Variants in C1orf141 observed in about 807,000 individuals in gnomAD.
C1orf141 encodes chromosome 1 open reading frame 141, also known as uncharacterized protein C1orf141.
C1orf141 carries 19 observed loss-of-function variants against 23.2 expected under a neutral mutation model. The ratio of observed to expected loss-of-function variants is 0.82; its 90% CI spans 0.57 to 1.20. The LOEUF is 1.20. Among genes scored for constraint, C1orf141 ranks in the 50% most tolerant of loss-of-function variants. The pLI, the probability that C1orf141 is intolerant of heterozygous loss-of-function variation, is 0.00. For synonymous variants in C1orf141, 153 were observed against 154.6 expected (o/e 0.99, Z 0.08); for missense variants, 469 against 455.1 (o/e 1.03, Z -0.28).
Position 67,115,413 on chromosome 1 carries a change from CT to C in C1orf141, c.284del (p.Lys95SerfsTer4). 1 of 1,510,932 alleles carries C rather than the reference CT, an allele frequency of 6.6e-7. No homozygotes were observed. Among genetic ancestry groups the C allele is most frequent in the Non-Finnish European group, 9.1e-7 (1 of 1,100,158 alleles). 93.6% of individuals were successfully genotyped at this position (1,510,932 alleles called of 1,614,324 possible). ...EPEPRKSNFE[K>X]SNLRPFFIQT... ...GAATAAAGAATGGTCTTAAATTTGA[CT>C]TTTCAAAATTACTCTTTCTAGGTTC... On this transcript the variant is annotated frameshift_variant, in exon 5 of 8. Coordinates refer to ENST00000684719, the MANE Select transcript of C1orf141 (RefSeq NM_001276351.2). LOFTEE classifies it high-confidence loss of function.
At chr1:67,127,332 G>T in intron 2 of C1orf141, 75 bp from the exon 3 acceptor site, 1 of 804,782 alleles carries the variant, frequency 1.2e-6, no homozygotes, top group Non-Finnish European at 2.1e-6. Flanking sequence ...GTTTTCAAAA[G>T]ACTCACTTTT....
At chr1:67,109,096 G>T (rs1205849743) in intron 5 of C1orf141, among the ~76,000 whole-genome samples, 1 of 152,108 alleles carries the variant, frequency 6.6e-6, no homozygotes, top group African/African-American at 2.4e-5. Flanking sequence ...GTGAGGCCGA[G>T]GCAGGCGGAT....
intron 2 of C1orf141, among the ~76,000 whole-genome samples, chr1:67,130,750 T>G (rs903743481): frequency 6.6e-6 from 1 of 152,250 alleles, no homozygotes; most frequent in African/African-American, 2.4e-5. Flanking sequence ...AACAGTTTTA[T>G]GAATACTAAA....
At chr1:67,129,988 C>G (rs1212865440) in intron 2 of C1orf141, among the ~76,000 whole-genome samples, 1 of 152,112 alleles carries the variant, frequency 6.6e-6, no homozygotes, top group Non-Finnish European at 1.5e-5. Flanking sequence ...AGATTAGTCT[C>G]TATATTTTAT....
chr1:67,120,568 G>A (rs917978211), intron 4 of C1orf141, among the ~76,000 whole-genome samples: 2 of 152,032 alleles, frequency 1.3e-5, no homozygotes, highest in African/African-American at 4.8e-5. Flanking sequence ...AGGTAATTAG[G>A]TCATGAGGGT....
chr1:67,126,533 G>A (rs187377324), intron 3 of C1orf141, among the ~76,000 whole-genome samples: 1 of 152,314 alleles, frequency 6.6e-6, no homozygotes, highest in Admixed American at 6.5e-5. Context: ...TTCTGCTTCT[G>A]CCAATAGATG....
chr1:67,133,361 C>T (rs1199632302), intron 1 of C1orf141, among the ~76,000 whole-genome samples: 1 of 152,202 alleles, frequency 6.6e-6, no homozygotes, highest in Admixed American at 6.5e-5. Context: ...CCACTTCTTA[C>T]ACTCTTATCT....
At chr1:67,128,720 T>G (rs953360574) in intron 2 of C1orf141, among the ~76,000 whole-genome samples, 1 of 151,712 alleles carries the variant, frequency 6.6e-6, no homozygotes, top group Non-Finnish European at 1.5e-5. Context: ...AAAAAAAAAT[T>G]GTGTAGATGA....
intron 4 of C1orf141, among the ~76,000 whole-genome samples, chr1:67,117,689 G>T (rs1206587584): frequency 6.6e-6 from 1 of 152,124 alleles, no homozygotes; most frequent in Non-Finnish European, 1.5e-5. Flanking sequence ...TGAGTCAAGG[G>T]TTTCTAAGGA....
chr1:67,101,629 G>A (rs1422305006), intron 5 of C1orf141, among the ~76,000 whole-genome samples: 1 of 151,938 alleles, frequency 6.6e-6, no homozygotes, highest in Non-Finnish European at 1.5e-5. Context: ...ATTATAATAT[G>A]AGGCAGATTT....
chr1:67,128,605 G>T (rs920831424), intron 2 of C1orf141, among the ~76,000 whole-genome samples: 1 of 152,026 alleles, frequency 6.6e-6, no homozygotes, highest in African/African-American at 2.4e-5. Flanking sequence ...TTGGGAGGCT[G>T]AGGAGGGATC....
chr1:67,134,184 A>G (rs567144202), intron 1 of C1orf141, among the ~76,000 whole-genome samples: 4 of 152,224 alleles, frequency 2.6e-5, no homozygotes, highest in Non-Finnish European at 5.9e-5. Flanking sequence ...TTGTATTTTT[A>G]GTAGAGACGG....
chr1:67,113,811 G>T, intron 5 of C1orf141: 2 of 739,552 alleles, frequency 2.7e-6, no homozygotes, highest in Non-Finnish European at 4.1e-6. Context: ...CATTATGGAA[G>T]GCCAGGTGAT....
intron 4 of C1orf141, among the ~76,000 whole-genome samples, chr1:67,120,648 C>T (rs1646280149): frequency 6.6e-6 from 1 of 152,032 alleles, no homozygotes; most frequent in Non-Finnish European, 1.5e-5. Flanking sequence ...TTTCTCTCTG[C>T]CATGTGAAGA....
At chr1:67,134,981 C>G (rs748618116), upstream of C1orf141, 2 of 152,324 alleles carry the variant, frequency 1.3e-5, no homozygotes, top group Non-Finnish European at 2.9e-5. Context: ...GCCCCGCCCC[C>G]ACCCTTCAGT....
At chr1:67,093,783 A>AAG in intron 7 of C1orf141, 179 bp from the exon 8 acceptor site, 1 of 402,290 alleles carries the variant, frequency 2.5e-6, no homozygotes, top group Non-Finnish European at 4.3e-6. Flanking sequence ...TGTAACATAC[A>AAG]TCCTTCTTAT....
chr1:67,103,253 A>T (rs1301193498), intron 5 of C1orf141: 10 of 1,425,846 alleles, frequency 7.0e-6, no homozygotes, highest in Non-Finnish European at 9.3e-6. Context: ...AATAAAGTAG[A>T]GTCTTTTTCC....
At chr1:67,128,773 C>T (rs1034744812) in intron 2 of C1orf141, among the ~76,000 whole-genome samples, 1 of 151,906 alleles carries the variant, frequency 6.6e-6, no homozygotes, top group African/African-American at 2.4e-5. Context: ...TAAATGGGCT[C>T]CAGTGGCATT....
intron 5 of C1orf141, among the ~76,000 whole-genome samples, chr1:67,112,975 G>A (rs1313714808): frequency 4.6e-5 from 7 of 152,070 alleles, no homozygotes; most frequent in African/African-American, 2.4e-5. Flanking sequence ...GGCTAATGAA[G>A]TTGCAATTTG....
Sources: allele counts gnomAD v4.1 joint callset (sites outside exome capture counted in the v4.1 genomes callset), GRCh38; gene constraint gnomAD v4.1.1; transcripts MANE v1.5; gene names NCBI Gene and HGNC (gene_info 2026-07-23, HGNC 2026-07-21).